The following OLFM1 variants were observed in gnomAD, a reference collection of about 807,000 sequenced individuals.
The protein encoded by OLFM1 is olfactomedin 1.
In OLFM1, 9 loss-of-function variants were observed where a neutral mutation model predicts 49.7. The observed-to-expected ratio is 0.18, with a 90% CI of 0.11 to 0.32. OLFM1 has a LOEUF of 0.32. Ranked by LOEUF, OLFM1 falls within the 10% of genes least tolerant of loss-of-function variation. The probability of loss-of-function intolerance (pLI) is 1.00; values close to 1 mark genes in which losing one functional copy is unlikely to be tolerated. For missense variants in OLFM1, 369 were observed against 661.8 expected, an observed-to-expected ratio of 0.56 and a Z score of 4.85; for synonymous variants, 240 against 271.8, an observed-to-expected ratio of 0.88 and a Z score of 1.15.
Position 135,117,399 on chromosome 9 carries a change from G to A in OLFM1, c.784-2105G>A, listed in dbSNP as rs1234981539. Among the ~76,000 whole-genome samples, 6 of 152,198 alleles carry A rather than the reference G, an allele frequency of 3.9e-5. No homozygotes were observed. Among genetic ancestry groups the A allele is most frequent in the Non-Finnish European group, 7.3e-5 (5 of 68,032 alleles). On this transcript the variant is annotated intron_variant, in intron 5 of 5. Transcript: ENST00000371793. This position sits in a 1 kb window ranked among gnomAD's most constrained non-coding sequence, Gnocchi z 5.5. ...CCAAATGCCAAATTAATGACATTCC[G>A]CCCTGCAGACAGGATGACTCAGTCC...
rs201050442 is a variant in OLFM1, at chr9:135,101,965, C to G, written c.676+3460C>G. ...CCTTAGTTTCTTTTTTTTCCCAAAG[C>G]CTGGGAAGCCCCCAGACACCCATAA... On this transcript the variant is annotated intron_variant, in intron 4 of 5. Coordinates refer to ENST00000371793, the MANE Select transcript of OLFM1 (RefSeq NM_001282611.2). Among the ~76,000 whole-genome samples the G allele has an allele frequency of 2.6e-3, 402 of 152,282 alleles. 13 individuals carry two copies. The South Asian group carries it at 0.059, about 22-fold the overall frequency.
chr9:135,091,644 C>CAG (rs1564270679), intron 2 of OLFM1, among the ~76,000 whole-genome samples: 9 of 124,210 alleles, frequency 7.2e-5, no homozygotes, highest in African/African-American at 1.5e-4. Flanking sequence ...GTCACACACA[C>CAG]TCACATAGTC....
At chr9:135,119,411 G>C in intron 5 of OLFM1, 93 bp from the exon 6 acceptor site, 1 of 1,063,696 alleles carries the variant, frequency 9.4e-7, no homozygotes, top group East Asian at 2.4e-5. Flanking sequence ...GGTCTTTGGA[G>C]TACTCACTGG....
chr9:135,119,423 T>C, intron 5 of OLFM1, 81 bp from the exon 6 acceptor site: 1 of 1,203,062 alleles, frequency 8.3e-7, no homozygotes, highest in Non-Finnish European at 1.2e-6. Context: ...ACTCACTGGA[T>C]CTTTGGAAGT....
At chr9:135,091,855 T>TCA (rs72454853) in intron 2 of OLFM1, among the ~76,000 whole-genome samples, 39,175 of 107,400 alleles carry the variant, frequency 0.36, 6,922 homozygotes, top group African/African-American at 0.58. Flanking sequence ...TCACACATAG[T>TCA]CACACACACT....
intron 3 of OLFM1, among the ~76,000 whole-genome samples, chr9:135,097,508 A>G (rs1004413937): frequency 6.6e-6 from 1 of 152,196 alleles, no homozygotes; most frequent in East Asian, 1.9e-4. Flanking sequence ...TGACACAGGC[A>G]TCTCTCCGAG....
At chr9:135,097,569 C>T (rs1564273719) in intron 3 of OLFM1, among the ~76,000 whole-genome samples, 1 of 152,036 alleles carries the variant, frequency 6.6e-6, no homozygotes, top group Non-Finnish European at 1.5e-5. Flanking sequence ...CAAGCGCTTG[C>T]CTATACTGTG....
intron 5 of OLFM1, among the ~76,000 whole-genome samples, chr9:135,110,048 C>G (rs1031997844): frequency 6.6e-6 from 1 of 152,232 alleles, no homozygotes; most frequent in South Asian, 2.1e-4. Flanking sequence ...AGCAGGAAGC[C>G]ACCCCTGCGC....
chr9:135,091,645 T>TCACAGTCACACACACAGTCACACACA (rs747119783), intron 2 of OLFM1, among the ~76,000 whole-genome samples: 1 of 5,322 alleles, frequency 1.9e-4, no homozygotes, highest in African/African-American at 9.6e-4. Flanking sequence ...TCACACACAC[T>TCACAGTCACACACACAGTCACACACA]CACATAGTCA....
rs777083601 is a variant in OLFM1, at chr9:135,098,551, C to A, written c.676+46C>A. 2 of 1,531,332 alleles carry A rather than the reference C, an allele frequency of 1.3e-6. No homozygotes were observed. The highest frequency in any genetic ancestry group is 1.8e-6 in the Non-Finnish European group (2 of 1,107,450). The allele number at this position is 1,531,332 out of a possible 1,614,324, so 94.9% of individuals were successfully genotyped here. ...GACGTGGCGCTGCACTGCCCACCTC[C>A]GGCACACGCACAGGCTTAGGGAGTG... On this transcript the variant is annotated intron_variant, in intron 4 of 5. Transcript: ENST00000371793. This position sits in a 1 kb window ranked among gnomAD's most constrained non-coding sequence, Gnocchi z 5.6.
intron 2 of OLFM1, among the ~76,000 whole-genome samples, chr9:135,091,899 A>T (rs577961202): frequency 3.7e-5 from 5 of 135,438 alleles, no homozygotes; most frequent in African/African-American, 1.5e-4. Context: ...ACACATAGTC[A>T]CACACACACA....
chr9:135,083,390 G>A (rs916214481), upstream of OLFM1, among the ~76,000 whole-genome samples: 2 of 152,186 alleles, frequency 1.3e-5, no homozygotes, highest in African/African-American at 4.8e-5. Context: ...GGTGCATGAA[G>A]GGTCTGGGGG....
In OLFM1 at chr9:135,113,303, G is replaced by A. The variant is rs1007072112; in HGVS notation, c.784-6201G>A. Reference sequence around the variant, plus strand: ...TCAGATGGGCTGACCCTACCGCCACGTCCCCACAGGTGGTCTTATGGCCTT... The same window carrying A: ...TCAGATGGGCTGACCCTACCGCCACATCCCCACAGGTGGTCTTATGGCCTT... On this transcript the variant is annotated intron_variant, in intron 5 of 5. Coordinates refer to ENST00000371793, the MANE Select transcript of OLFM1 (RefSeq NM_001282611.2). The surrounding 1 kb of genome is among the most constrained non-coding windows in gnomAD (Gnocchi z 4.0). 7.2e-5 allele frequency among the ~76,000 whole-genome samples: 11 copies of A among 152,234 alleles called. No individual in the cohort carries two copies. The highest frequency in any genetic ancestry group is 3.4e-3 in the Middle Eastern group (1 of 294).
At chr9:135,119,087 A>T (rs1279875909) in intron 5 of OLFM1, among the ~76,000 whole-genome samples, 3 of 149,348 alleles carry the variant, frequency 2.0e-5, no homozygotes, top group Non-Finnish European at 4.4e-5. Context: ...GGGTCTTTGG[A>T]GTGCTCACCG....
At chr9:135,086,838 AC>A, upstream of OLFM1, 2 of 399,264 alleles carry the variant, frequency 5.0e-6, no homozygotes, top group African/African-American at 2.1e-5. Flanking sequence ...CAGTAAGGAC[AC>A]CCCCCAACCC....
At chr9:135,118,853 G>A (rs995445718) in intron 5 of OLFM1, among the ~76,000 whole-genome samples, 4 of 150,334 alleles carry the variant, frequency 2.7e-5, no homozygotes, top group Admixed American at 1.3e-4. Flanking sequence ...AGTGCTCACC[G>A]GGTCTTTGGA....
chr9:135,111,412 G>A (rs1564279278), intron 5 of OLFM1, among the ~76,000 whole-genome samples: 1 of 152,198 alleles, frequency 6.6e-6, no homozygotes, highest in Non-Finnish European at 1.5e-5. Context: ...AGGGACTGTA[G>A]CGCATGGCCC....
chr9:135,087,240 C>A, upstream of OLFM1: 2 of 1,420,166 alleles, frequency 1.4e-6, no homozygotes, highest in Non-Finnish European at 1.8e-6. Context: ...AGGCGACGGC[C>A]CAGGCTGGCT....
At chr9:135,101,663 T>C (rs1479234835) in intron 4 of OLFM1, among the ~76,000 whole-genome samples, 1 of 152,230 alleles carries the variant, frequency 6.6e-6, no homozygotes, top group Non-Finnish European at 1.5e-5. Context: ...GAGTCAGTGC[T>C]GCCCCGTGCC....
Sources: gnomAD v4.1 joint callset for allele counts (sites outside exome capture counted in the v4.1 genomes callset) on GRCh38, gnomAD v4.1.1 for gene constraint, Gnocchi (gnomAD v3.1) non-coding constraint, MANE v1.5 for transcripts, NCBI Gene and HGNC (gene_info 2026-07-23, HGNC 2026-07-21) for gene names.